The following TTC4 variants were observed in gnomAD, a reference collection of about 807,000 sequenced individuals.
TTC4 encodes hsp70/Hsp90 co-chaperone CNS1 homolog.
In TTC4, 36 loss-of-function variants were observed where a neutral mutation model predicts 51.9. The ratio of observed to expected loss-of-function variants is 0.69; its 90% CI spans 0.53 to 0.92. The LOEUF is 0.92. Ranked by LOEUF, TTC4 falls within the 40% of genes least tolerant of loss-of-function variation. TTC4 has a pLI of 0.00. For synonymous variants in TTC4, 144 were observed against 164.2 expected (o/e 0.88, Z 0.94); for missense variants, 399 against 454.6 (o/e 0.88, Z 1.11).
At chr1:54,726,744 C>T (rs1645804081) in intron 5 of TTC4, among the ~76,000 whole-genome samples, 1 of 152,154 alleles carries the variant, frequency 6.6e-6, no homozygotes, top group Non-Finnish European at 1.5e-5. Context: ...TGTTAGATGG[C>T]AATACTCCCA....
chr1:54,735,701 G>A (rs60156609), intron 8 of TTC4, among the ~76,000 whole-genome samples: 32 of 152,176 alleles, frequency 2.1e-4, no homozygotes, highest in Non-Finnish European at 4.3e-4. Flanking sequence ...TGATTAATAA[G>A]TGTTTTATAG....
At position 54,716,698 on chromosome 1, in the gene TTC4, T is replaced by A; in HGVS notation, c.210T>A (p.Asp70Glu). The change falls in exon 2 of 10, where the codon GAT becomes GAA. Residue 70 changes from aspartate to glutamate, a missense_variant. Physicochemically the swap from Asp to Glu is conservative, Grantham distance 45. Around this residue, in one of 3 missense-constraint regions of TTC4, gnomAD observed 316 missense variants for 349.6 expected, o/e 0.90. Transcript: ENST00000371281. Reference protein sequence around the residue: ...DLACLQSIIFDEERSPEEQAK... With the variant: ...DLACLQSIIFEEERSPEEQAK... The stretch of plus-strand genomic sequence containing the variant: ...CTTGTCTCCAGTCAATTATTTTTGA[T>A]GAGGAGCGTTCTCCAGAAGGTATCT... 1 of 1,612,436 alleles carries A rather than the reference T, an allele frequency of 6.2e-7. No individual in the cohort carries two copies. Among genetic ancestry groups the A allele is most frequent in the Non-Finnish European group, 8.5e-7 (1 of 1,179,656 alleles).
At chr1:54,733,539 C>A in intron 7 of TTC4, 90 bp from the exon 8 acceptor site, 3 of 993,342 alleles carry the variant, frequency 3.0e-6, no homozygotes, top group Admixed American at 2.5e-5. Context: ...TTTATACATT[C>A]TAGATAACTT....
chr1:54,722,722 T>A lies in TTC4; in HGVS notation c.517T>A (p.Trp173Arg), dbSNP rs1241265244. The change falls in exon 5 of 10, where the codon TGG becomes AGG. Residue 173 changes from tryptophan (W) to arginine (R), a missense_variant. Trp to Arg is a moderately radical substitution (Grantham distance 101). This residue lies in a region of TTC4 where 316 missense variants were observed against 349.6 expected (regional missense o/e 0.90). Coordinates refer to ENST00000371281, the MANE Select transcript of TTC4 (RefSeq NM_004623.5). ...GAAACACTTTGCCGAGGCCGTGAAC[T>A]GGTGTGATGAGGGACTGCAAATAGA... The part of the protein sequence containing the change: ...ELKHFAEAVN[W>R]CDEGLQIDAK... The A allele has an allele frequency of 6.2e-7, 1 of 1,613,930 alleles. No individual in the cohort carries two copies. Among genetic ancestry groups the A allele is most frequent in the Non-Finnish European group, 8.5e-7 (1 of 1,179,892 alleles).
Position 54,721,150 on chromosome 1 carries a change from G to T in TTC4, c.392-13G>T. ...TCAAAACTTCTCTCTTTTACTAAACGGTGTTTTGTTAGGCAATTTTCGTTC... is the reference window on the plus strand; with the variant it reads ...TCAAAACTTCTCTCTTTTACTAAACTGTGTTTTGTTAGGCAATTTTCGTTC... On this transcript the variant is annotated splice_polypyrimidine_tract_variant and intron_variant, in intron 3 of 9. Transcript: ENST00000371281. 1 of 1,612,044 alleles carries T rather than the reference G, an allele frequency of 6.2e-7. No homozygotes were observed. The highest frequency in any genetic ancestry group is 8.5e-7 in the Non-Finnish European group (1 of 1,178,800).
chr1:54,720,573 T>C (rs1266273690), intron 3 of TTC4, among the ~76,000 whole-genome samples: 1 of 151,878 alleles, frequency 6.6e-6, no homozygotes, highest in African/African-American at 2.4e-5. Context: ...CATCCTACCG[T>C]GTTTCTTACA....
At position 54,736,407 on chromosome 1, in the gene TTC4, TTGC is replaced by T. The variant is rs542254927; in HGVS notation, c.979-1174_979-1172del. On this transcript the variant is annotated intron_variant, in intron 8 of 9. Transcript: ENST00000371281. Reference sequence around the variant, plus strand: ...TTTTTTGAGACAGAGTCTAGCTGTGTTGCCCAGGCTGGAGTGCGGTAGGGAGAT... The same window carrying T: ...TTTTTTGAGACAGAGTCTAGCTGTGTCCAGGCTGGAGTGCGGTAGGGAGAT... Among the ~76,000 whole-genome samples the T allele has an allele frequency of 1.9e-3, 282 of 151,200 alleles. 1 individual carries two copies. Among genetic ancestry groups the T allele is most frequent in the Non-Finnish European group, 3.0e-3 (203 of 68,010 alleles).
At chr1:54,729,671 T>G (rs1050511307) in intron 6 of TTC4, among the ~76,000 whole-genome samples, 2 of 152,130 alleles carry the variant, frequency 1.3e-5, no homozygotes, top group African/African-American at 4.8e-5. Flanking sequence ...GTCACCTGTT[T>G]GAGATTGTTT....
intron 9 of TTC4, among the ~76,000 whole-genome samples, chr1:54,740,229 G>A (rs1489351552): frequency 2.6e-5 from 4 of 152,182 alleles, no homozygotes; most frequent in African/African-American, 7.2e-5. Flanking sequence ...ACTGTTCAGT[G>A]GTGAGGCCTG....
rs1645864881 is a variant in TTC4 at position 54,731,490 on chromosome 1, G to C, written c.686G>C (p.Arg229Thr). Reference sequence around the variant, plus strand: ...GTGTTTCTGTCTTTAACCCAGGCTAGGAATATCAGGCTCTCAGAAGCTGCC... The same window carrying C: ...GTGTTTCTGTCTTTAACCCAGGCTACGAATATCAGGCTCTCAGAAGCTGCC... ...NEALLQAIKA[R>T]NIRLSEAACE... The change falls in exon 7 of 10, where the codon AGG becomes ACG. Residue 229 changes from arginine to threonine, a missense_variant. Transcript: ENST00000371281. The C allele has an allele frequency of 1.9e-6, 3 of 1,613,868 alleles. No individual in the cohort carries two copies. In the East Asian group the frequency reaches 6.7e-5, roughly 36 times the overall value.
chr1:54,721,265 G>A, intron 4 of TTC4, 25 bp downstream of exon 4: 1 of 1,608,804 alleles, frequency 6.2e-7, no homozygotes, highest in Non-Finnish European at 8.5e-7. Flanking sequence ...ACTACAGTAT[G>A]ACATTTAAAG....
chr1:54,715,861 G>T lies in TTC4; in HGVS notation c.-48G>T, dbSNP rs112599798. The T allele has an allele frequency of 3.4e-3, 4,979 of 1,478,522 alleles. 165 individuals carry two copies. The African/African-American group carries it at 0.063, about 19-fold the overall frequency. The allele number at this position is 1,478,522 out of a possible 1,614,324, so 91.6% of individuals were successfully genotyped here. Reference sequence around the variant, plus strand: ...GGAACCCGCGCCGCCGGAAGGAGCCGCTCGCTTCACGGCGCTGGGACCCGG... The same window carrying T: ...GGAACCCGCGCCGCCGGAAGGAGCCTCTCGCTTCACGGCGCTGGGACCCGG... On this transcript the variant is annotated 5_prime_UTR_variant, in exon 1 of 10. Transcript: ENST00000371281.
chr1:54,736,195 A>AGAGC (rs747020723), intron 8 of TTC4, among the ~76,000 whole-genome samples: 1,701 of 131,682 alleles, frequency 0.013, 39 homozygotes, highest in Middle Eastern at 0.022. Flanking sequence ...AGAGAGAGAG[A>AGAGC]GAGAGAGAGA....
intron 9 of TTC4, 77 bp downstream of exon 9, chr1:54,737,741 A>T: frequency 7.0e-7 from 1 of 1,421,222 alleles, no homozygotes; most frequent in Non-Finnish European, 9.7e-7. Flanking sequence ...GCTGATAAAG[A>T]CATACCTGAG....
Position 54,741,497 on chromosome 1 carries a change from T to C in TTC4, c.1148T>C (p.Val383Ala), listed in dbSNP as rs755457380. 6.2e-7 allele frequency: 1 copy of C among 1,614,064 alleles called. No homozygotes were observed. The highest frequency in any genetic ancestry group is 2.2e-5 in the East Asian group (1 of 44,870). ...FCKNFLRGRKVYQIR is the reference protein window; with the variant it reads ...FCKNFLRGRKAYQIR ...AAGAATTTTCTCCGGGGGAGAAAGG[T>C]GTACCAGATACGATGACTAAGCCAG... Residue 383 changes from valine (V) to alanine (A), a missense_variant, in exon 10 of 10, where the codon GTG becomes GCG. Around this residue, in one of 3 missense-constraint regions of TTC4, gnomAD observed 64 missense variants for 61.3 expected, o/e 1.04. Transcript: ENST00000371281.
In TTC4 at chr1:54,717,419, A is replaced by G. The variant is rs1443789778; in HGVS notation, c.230-73A>G. 28 of 1,347,798 alleles carry G rather than the reference A, an allele frequency of 2.1e-5. No individual in the cohort carries two copies. The East Asian group carries it at 6.7e-4, about 32-fold the overall frequency. The allele number at this position is 1,347,798 out of a possible 1,614,324, so 83.5% of individuals were successfully genotyped here. A position where few individuals can be genotyped will look rare whatever the true frequency, so the allele number is the denominator to read the frequency against. On this transcript the variant is annotated intron_variant, in intron 2 of 9. Coordinates refer to ENST00000371281, the MANE Select transcript of TTC4 (RefSeq NM_004623.5). ...GGTGTGTCATATAGTACATTATTAC[A>G]TGATTTAGAATCTATTTTTAATGAG... is the stretch of plus-strand genomic sequence containing the variant.
In TTC4 at chr1:54,717,832, GGA is replaced by G. The variant is rs1314298856; in HGVS notation, c.391+180_391+181del. ...GACATGATGAAAAGAGAAACAGGAT[GGA>G]TTGTGTAATTCTTACTGTCTCAACC... is the stretch of plus-strand genomic sequence containing the variant. On this transcript the variant is annotated intron_variant, in intron 3 of 9. Coordinates refer to ENST00000371281, the MANE Select transcript of TTC4 (RefSeq NM_004623.5). The G allele has an allele frequency of 1.7e-5, 9 of 538,988 alleles. No individual in the cohort carries two copies. In the African/African-American group the frequency reaches 1.8e-4, roughly 11 times the overall value. 33.4% of individuals were successfully genotyped at this position (538,988 alleles called of 1,614,324 possible). A position where few individuals can be genotyped will look rare whatever the true frequency, so the allele number is the denominator to read the frequency against.
At chr1:54,720,860 T>C (rs1272124987) in intron 3 of TTC4, among the ~76,000 whole-genome samples, 1 of 152,192 alleles carries the variant, frequency 6.6e-6, no homozygotes, top group Non-Finnish European at 1.5e-5. Flanking sequence ...CCCTTTTCCA[T>C]ATCTTTTCTA....
At chr1:54,730,812 T>G (rs1645856614) in intron 6 of TTC4, among the ~76,000 whole-genome samples, 1 of 152,058 alleles carries the variant, frequency 6.6e-6, no homozygotes, top group East Asian at 1.9e-4. Context: ...TTTTTTATCT[T>G]TTCTGTCCTT....
Sources: allele counts gnomAD v4.1 joint callset (sites outside exome capture counted in the v4.1 genomes callset), GRCh38; gene constraint gnomAD v4.1.1; regional missense constraint gnomAD v4.1.1; transcripts MANE v1.5; gene names NCBI Gene and HGNC (gene_info 2026-07-23, HGNC 2026-07-21).